ROBO1: variants seen among roughly 807,000 people sequenced by gnomAD.
ROBO1 encodes the protein roundabout homolog 1.
A neutral mutation model predicts 195.9 loss-of-function variants in ROBO1; 149 were observed. The observed-to-expected ratio is 0.76, with a 90% confidence interval of 0.67 to 0.87. The LOEUF is 0.87. Among genes scored for constraint, ROBO1 ranks in the 40% least tolerant of loss-of-function variants. The pLI is 0.00. For synonymous variants in ROBO1, 816 were observed against 733.2 expected (o/e 1.11, Z -1.82); for missense variants, 1,933 against 2,068.3 (o/e 0.93, Z 1.27).
At chr3:79,458,275 CACA>C (rs537745537) in intron 2 of ROBO1, among the ~76,000 whole-genome samples, 141 of 152,270 alleles carry the variant, frequency 9.3e-4, no homozygotes, top group African/African-American at 3.3e-3. Flanking sequence ...AGGTAGACCT[CACA>C]ACAAGAACTC....
intron 2 of ROBO1, among the ~76,000 whole-genome samples, chr3:79,560,039 G>A (rs1942851073): frequency 1.3e-5 from 2 of 152,030 alleles, no homozygotes; most frequent in African/African-American, 4.8e-5. Context: ...GGATACTATT[G>A]TCTTCAGCAA....
intron 3 of ROBO1, among the ~76,000 whole-genome samples, chr3:79,057,296 C>G (rs2078829780): frequency 6.6e-6 from 1 of 152,038 alleles, no homozygotes; most frequent in African/African-American, 2.4e-5. Flanking sequence ...TAAATATTGT[C>G]TCTGATTCTG....
At chr3:79,285,003 T>C (rs1205601987) in intron 2 of ROBO1, among the ~76,000 whole-genome samples, 3 of 152,198 alleles carry the variant, frequency 2.0e-5, no homozygotes, top group Non-Finnish European at 2.9e-5. Context: ...TTTTAAAATT[T>C]CCCATGCTTA....
At chr3:79,410,442 T>C (rs528108523) in intron 2 of ROBO1, among the ~76,000 whole-genome samples, 78 of 151,974 alleles carry the variant, frequency 5.1e-4, no homozygotes, top group South Asian at 1.2e-3. Context: ...ATAAAACAAA[T>C]GAAAAAAACA....
chr3:78,885,909 T>TTATTTATA (rs2036532476), intron 4 of ROBO1, among the ~76,000 whole-genome samples: 1 of 117,752 alleles, frequency 8.5e-6, no homozygotes, highest in Non-Finnish European at 1.7e-5. Flanking sequence ...TAGCAAAATT[T>TTATTTATA]TATATATATA....
At chr3:78,707,067 A>T (rs1199081617) in intron 8 of ROBO1, among the ~76,000 whole-genome samples, 6 of 152,196 alleles carry the variant, frequency 3.9e-5, no homozygotes, top group Admixed American at 3.9e-4. Flanking sequence ...CAAACCTCTG[A>T]CAGCTGCTTC....
intron 2 of ROBO1, among the ~76,000 whole-genome samples, chr3:79,413,809 T>C (rs992985348): frequency 6.6e-6 from 1 of 152,084 alleles, no homozygotes; most frequent in African/African-American, 2.4e-5. Context: ...GTATAAAGAA[T>C]TTTTTATCTG....
intron 2 of ROBO1, among the ~76,000 whole-genome samples, chr3:79,277,034 G>T (rs2031094513): frequency 1.3e-5 from 2 of 151,938 alleles, no homozygotes; most frequent in Admixed American, 1.3e-4. Flanking sequence ...GTAAGTTAGT[G>T]CAACCACTAT....
chr3:79,667,588 A>T (rs2106875845), intron 1 of ROBO1, among the ~76,000 whole-genome samples: 2 of 151,860 alleles, frequency 1.3e-5, no homozygotes, highest in East Asian at 1.9e-4. Flanking sequence ...TTAAATTTTT[A>T]ACCTTTTAAG....
At chr3:79,212,238 T>C (rs1001723681) in intron 2 of ROBO1, among the ~76,000 whole-genome samples, 3 of 152,178 alleles carry the variant, frequency 2.0e-5, no homozygotes, top group African/African-American at 7.2e-5. Context: ...AGATTTAGTT[T>C]ATGGCCAGTC....
intron 4 of ROBO1, among the ~76,000 whole-genome samples, chr3:78,913,211 C>G (rs578137545): frequency 6.6e-6 from 1 of 152,136 alleles, no homozygotes; most frequent in South Asian, 2.1e-4. Flanking sequence ...ATATACTTGG[C>G]CAGCCTAATA....
intron 2 of ROBO1, among the ~76,000 whole-genome samples, chr3:79,247,769 T>C (rs1404901559): frequency 2.6e-5 from 4 of 152,234 alleles, no homozygotes; most frequent in South Asian, 2.1e-4. Context: ...TAATATGCCA[T>C]GGCATAGAAT....
chr3:79,747,665 C>T (rs1235514060), intron 1 of ROBO1, among the ~76,000 whole-genome samples: 1 of 151,980 alleles, frequency 6.6e-6, no homozygotes, highest in Non-Finnish European at 1.5e-5. Flanking sequence ...GTAACATAGT[C>T]ACCCCACAAA....
intron 3 of ROBO1, among the ~76,000 whole-genome samples, chr3:79,051,315 G>A (rs2078693266): frequency 6.6e-6 from 1 of 152,130 alleles, no homozygotes; most frequent in African/African-American, 2.4e-5. Context: ...AGAAGAAATG[G>A]ATAAATTCCT....
chr3:78,890,717 C>A (rs1162175609), intron 4 of ROBO1, among the ~76,000 whole-genome samples: 2 of 152,094 alleles, frequency 1.3e-5, no homozygotes, highest in African/African-American at 4.8e-5. Context: ...TGTTCCTGTG[C>A]AATCTAAATA....
At chr3:79,617,476 A>C (rs367682596) in intron 1 of ROBO1, among the ~76,000 whole-genome samples, 3 of 152,192 alleles carry the variant, frequency 2.0e-5, no homozygotes, top group African/African-American at 7.2e-5. Flanking sequence ...AGGAATAAAT[A>C]TGAAGCCTTG....
At chr3:78,942,268 C>G (rs910122667) in intron 3 of ROBO1, among the ~76,000 whole-genome samples, 10 of 152,000 alleles carry the variant, frequency 6.6e-5, no homozygotes, top group African/African-American at 2.4e-4. Context: ...CCACCACACT[C>G]CAGCACAGGG....
At chr3:79,396,947 A>G (rs937049644) in intron 2 of ROBO1, among the ~76,000 whole-genome samples, 5 of 152,128 alleles carry the variant, frequency 3.3e-5, no homozygotes, top group Admixed American at 2.6e-4. Context: ...AAAATTACCG[A>G]GAATGTTCCT....
Position 79,300,457 on chromosome 3 carries a change from G to A in ROBO1, c.89-174918C>T, listed in dbSNP as rs186618250. 7.9e-4 allele frequency among the ~76,000 whole-genome samples: 121 copies of A among 152,324 alleles called. 2 individuals are homozygous for A. The East Asian group carries it at 0.013, about 17-fold the overall frequency. ...CACTGGGCGTTAGCTGCCTTCCCGCGGGGCAGGGCTCGGGACCTGCAGCCC... is the reference window on the plus strand; with the variant it reads ...CACTGGGCGTTAGCTGCCTTCCCGCAGGGCAGGGCTCGGGACCTGCAGCCC... On this transcript the variant is annotated intron_variant, in intron 2 of 30. Coordinates refer to ENST00000464233, the MANE Select transcript of ROBO1 (RefSeq NM_002941.4).
Sources: allele counts gnomAD v4.1 joint callset (sites outside exome capture counted in the v4.1 genomes callset), GRCh38; gene constraint gnomAD v4.1.1; transcripts MANE v1.5; gene names NCBI Gene and HGNC (gene_info 2026-07-23, HGNC 2026-07-21).